Variants in TRABD2A observed in about 807,000 individuals in gnomAD.
TRABD2A encodes the protein metalloprotease TIKI1.
TRABD2A carries 43 observed loss-of-function variants against 45.6 expected under a neutral mutation model. That is an observed-to-expected ratio of 0.94 (90% CI 0.74 to 1.22). TRABD2A has a LOEUF of 1.22. Ranked by LOEUF, TRABD2A falls within the 50% of genes most tolerant of loss-of-function variation. The pLI is 0.00. For missense variants in TRABD2A, 642 were observed against 652.4 expected, an observed-to-expected ratio of 0.98 and a Z score of 0.17; for synonymous variants, 269 against 265.0, an observed-to-expected ratio of 1.02 and a Z score of -0.15.
chr2:84,845,375 T>C (rs1206814123), intron 2 of TRABD2A, among the ~76,000 whole-genome samples: 7 of 152,130 alleles, frequency 4.6e-5, no homozygotes, highest in Non-Finnish European at 8.8e-5. Flanking sequence ...ATAAAATGAC[T>C]ACTGGAGAGT....
chr2:84,877,197 C>A (rs1179970434), intron 1 of TRABD2A, among the ~76,000 whole-genome samples: 1 of 151,962 alleles, frequency 6.6e-6, no homozygotes, highest in Non-Finnish European at 1.5e-5. Flanking sequence ...CTTACTTTGC[C>A]CACTGGCGAG....
chr2:84,862,444 G>C (rs1231121468), intron 2 of TRABD2A, among the ~76,000 whole-genome samples: 1 of 152,148 alleles, frequency 6.6e-6, no homozygotes, highest in Non-Finnish European at 1.5e-5. Flanking sequence ...ACCAGGGCAG[G>C]AGGCAGGGAT....
chr2:84,870,593 T>C lies in TRABD2A; in HGVS notation c.301A>G (p.Ser101Gly). The C allele has an allele frequency of 6.2e-7, 1 of 1,613,632 alleles. No individual in the cohort carries two copies. The highest frequency in any genetic ancestry group is 8.5e-7 in the Non-Finnish European group (1 of 1,179,746). The stretch of plus-strand genomic sequence containing the variant: ...TCGCCCTGTGGCAGCATCTGACAGC[T>C]GGTGAGAGCTGAGATGGTATAGGGG... Reference protein sequence around the residue: ...TDPYTISALTSCQMLPQGENL... With the variant: ...TDPYTISALTGCQMLPQGENL... Residue 101 changes from serine to glycine, a missense_variant, in exon 2 of 7, where the codon AGC becomes GGC. Physicochemically the swap from Ser to Gly is moderately conservative, Grantham distance 56. Transcript: ENST00000409520.
At chr2:84,858,652 G>A (rs1682394757) in intron 2 of TRABD2A, among the ~76,000 whole-genome samples, 1 of 152,060 alleles carries the variant, frequency 6.6e-6, no homozygotes, top group African/African-American at 2.4e-5. Context: ...AGCAACCAAG[G>A]GCCTCGGGGC....
Position 84,880,944 on chromosome 2 carries a change from C to T in TRABD2A, c.96G>A (p.Glu32=), listed in dbSNP as rs1683183683. Residue 32 remains glutamate (E), a synonymous_variant, in exon 1 of 7, where the codon GAG becomes GAA. Coordinates refer to ENST00000409520, the MANE Select transcript of TRABD2A (RefSeq NM_001277053.2). The stretch of plus-strand genomic sequence containing the variant: ...ACGCGCGCCTTACTTGGGGCTTGAG[C>T]TCGCAGTTGGCGGTGCCGGGCGCCC... ...RRGAPGTANC[E]LKPQQSELNS... The T allele has an allele frequency of 3.1e-6, 5 of 1,595,420 alleles. No homozygotes were observed. Among genetic ancestry groups the T allele is most frequent in the Non-Finnish European group, 4.3e-6 (5 of 1,171,820 alleles).
intron 2 of TRABD2A, among the ~76,000 whole-genome samples, chr2:84,867,514 C>A (rs1178030433): frequency 4.6e-5 from 7 of 152,190 alleles, no homozygotes; most frequent in Admixed American, 1.3e-4. Context: ...CCATTCAGGA[C>A]ATAGGCATGG....
rs200693523 is a variant in TRABD2A at position 84,839,177 on chromosome 2, G to C, written c.963C>G (p.Asp321Glu). 11 of 1,613,828 alleles carry C rather than the reference G, an allele frequency of 6.8e-6. No individual in the cohort carries two copies. Among genetic ancestry groups the C allele is most frequent in the Non-Finnish European group, 9.3e-6 (11 of 1,179,900 alleles). Residue 321 changes from aspartate to glutamate, a missense_variant, in exon 4 of 7, where the codon GAC (aspartate) becomes GAG (glutamate). By Grantham distance (45) the Asp-to-Glu change is conservative. Transcript: ENST00000409520. ...RVKALLEEFP[D>E]KGFFFAFGAG... ...CTCCAAAGGCAAAGAAGAAGCCTTT[G>C]TCAGGGAACTCCTCCAAAAGGGCCT...
At chr2:84,859,860 G>C (rs1291591247) in intron 2 of TRABD2A, among the ~76,000 whole-genome samples, 2 of 152,146 alleles carry the variant, frequency 1.3e-5, no homozygotes, top group African/African-American at 4.8e-5. Flanking sequence ...CACTGGTTTA[G>C]CCTGAACATT....
At chr2:84,870,829 G>A (rs1682853675) in intron 1 of TRABD2A, 44 bp from the exon 2 acceptor site, 2 of 1,480,040 alleles carry the variant, frequency 1.4e-6, no homozygotes, top group Non-Finnish European at 1.8e-6. Flanking sequence ...ATGGGGGAGA[G>A]GCATGGTCAG....
At position 84,824,137 on chromosome 2, in the gene TRABD2A, G is replaced by A. The variant is rs764347678; in HGVS notation, c.1150C>T (p.Leu384=). The change falls in exon 6 of 7, where the codon CTG becomes TTG. Residue 384 remains leucine (L), a synonymous_variant. Transcript: ENST00000409520. ...ACGGCTTCTGGTGCCGGTACTTCCAGGGTAGGGACTTTTGGAGCAAAGATG... is the reference window on the plus strand; with the variant it reads ...ACGGCTTCTGGTGCCGGTACTTCCAAGGTAGGGACTTTTGGAGCAAAGATG... The part of the protein sequence containing the change: ...STIFAPKVPT[L]EVPAPEAVSS... The A allele has an allele frequency of 5.6e-6, 9 of 1,613,882 alleles. No individual in the cohort carries two copies. The South Asian group carries it at 9.9e-5, about 18-fold the overall frequency.
chr2:84,842,175 AAGG>A (rs1253793895), intron 2 of TRABD2A, among the ~76,000 whole-genome samples, 168 bp from the exon 3 acceptor site: 3 of 152,230 alleles, frequency 2.0e-5, no homozygotes, highest in African/African-American at 7.2e-5. Context: ...ATCCAAAGAA[AAGG>A]AGAACAGTCC....
rs879477863 is a variant in TRABD2A, at chr2:84,877,295, C to CA, written c.108+3636dup. Among the ~76,000 whole-genome samples, 354 of 133,826 alleles carry CA rather than the reference C, an allele frequency of 2.6e-3. 2 individuals are homozygous for CA. The highest frequency in any genetic ancestry group is 6.4e-3 in the African/African-American group (233 of 36,216). 87.8% of individuals were successfully genotyped at this position (133,826 alleles called of 152,430 possible). A position where few individuals can be genotyped will look rare whatever the true frequency, so the allele number is the denominator to read the frequency against. ...CTCAGGGTAGGGCTATTTATCTCTACAAAAAAAAAAAATCCTTCACTACCC... is the reference window on the plus strand; with the variant it reads ...CTCAGGGTAGGGCTATTTATCTCTACAAAAAAAAAAAAATCCTTCACTACCC... On this transcript the variant is annotated intron_variant, in intron 1 of 6. Coordinates refer to ENST00000409520, the MANE Select transcript of TRABD2A (RefSeq NM_001277053.2).
At chr2:84,844,222 T>C (rs980309242) in intron 2 of TRABD2A, among the ~76,000 whole-genome samples, 12 of 152,194 alleles carry the variant, frequency 7.9e-5, no homozygotes, top group African/African-American at 2.7e-4. Flanking sequence ...GCTCCTAGAA[T>C]TCCCACGTGT....
chr2:84,858,273 C>A (rs919160781), intron 2 of TRABD2A, among the ~76,000 whole-genome samples: 1 of 150,820 alleles, frequency 6.6e-6, no homozygotes, highest in East Asian at 2.0e-4. Context: ...CCTCCAACAT[C>A]GTCTCCCACC....
chr2:84,834,211 T>C (rs879542012), intron 4 of TRABD2A: 1 of 152,188 alleles, frequency 6.6e-6, no homozygotes, highest in Non-Finnish European at 1.5e-5. Context: ...AGGCCCAGGC[T>C]AACAGCTTTG....
At chr2:84,856,294 G>A (rs13393404) in intron 2 of TRABD2A, among the ~76,000 whole-genome samples, 6 of 151,818 alleles carry the variant, frequency 4.0e-5, no homozygotes, top group African/African-American at 9.7e-5. Flanking sequence ...TTCTACCTTC[G>A]CAGCCACTCT....
chr2:84,843,885 T>C lies in TRABD2A; in HGVS notation c.670-1878A>G, dbSNP rs537186001. The C allele has an allele frequency of 4.6e-5, 7 of 152,362 alleles. No individual in the cohort carries two copies. The East Asian group carries it at 1.4e-3, about 29-fold the overall frequency. 9.4% of individuals were successfully genotyped at this position (152,362 alleles called of 1,614,324 possible). A position where few individuals can be genotyped will look rare whatever the true frequency, so the allele number is the denominator to read the frequency against. On this transcript the variant is annotated intron_variant, in intron 2 of 6. Transcript: ENST00000409520. ...CACAGCATCCCTCCTTCCACATAGT[T>C]TACCTCCCTCAGTTACTCTAATATT... is the stretch of plus-strand genomic sequence containing the variant.
chr2:84,822,173 C>G, intron 6 of TRABD2A, 73 bp from the exon 7 acceptor site: 1 of 1,315,296 alleles, frequency 7.6e-7, no homozygotes, highest in Non-Finnish European at 1.0e-6. Context: ...CCCCCAAATG[C>G]CCACACAGCT....
intron 1 of TRABD2A, among the ~76,000 whole-genome samples, chr2:84,874,158 G>A (rs894486969): frequency 6.6e-6 from 1 of 152,170 alleles, no homozygotes. Context: ...TGTTCAGTAT[G>A]CATCCATTTT....
Sources: allele counts gnomAD v4.1 joint callset (sites outside exome capture counted in the v4.1 genomes callset), GRCh38; gene constraint gnomAD v4.1.1; transcripts MANE v1.5; gene names NCBI Gene and HGNC (gene_info 2026-07-23, HGNC 2026-07-21).